Variants in ARL15 observed in about 807,000 individuals in gnomAD.
ARL15 encodes the protein ARF like GTPase 15, also known as ADP-ribosylation factor-like protein 15.
Under a neutral mutation model 25.2 loss-of-function variants are expected in ARL15, and 19 were observed. The observed-to-expected ratio is 0.75, with a 90% CI of 0.53 to 1.10. The LOEUF (loss-of-function observed/expected upper bound fraction) is 1.10, where lower values mean the gene tolerates loss of function less well. Ranked by LOEUF, ARL15 falls within the 50% of genes least tolerant of loss-of-function variation. The pLI is 0.00. For missense variants in ARL15, 220 were observed against 246.0 expected, an observed-to-expected ratio of 0.89 and a Z score of 0.71; for synonymous variants, 94 against 86.8, an observed-to-expected ratio of 1.08 and a Z score of -0.46.
At chr5:53,937,858 GA>G (rs1457060060) in intron 4 of ARL15, among the ~76,000 whole-genome samples, 2 of 151,414 alleles carry the variant, frequency 1.3e-5, no homozygotes, top group African/African-American at 4.8e-5. Flanking sequence ...GGGGTGGGGT[GA>G]AGTGGGTATG....
intron 4 of ARL15, among the ~76,000 whole-genome samples, chr5:53,952,295 G>C (rs1747001287): frequency 6.6e-6 from 1 of 152,012 alleles, no homozygotes; most frequent in African/African-American, 2.4e-5. Flanking sequence ...AAAGAAGAGA[G>C]TGAAAGAATT....
intron 1 of ARL15, among the ~76,000 whole-genome samples, chr5:54,227,436 T>G (rs1756555371): frequency 6.6e-6 from 1 of 152,186 alleles, no homozygotes; most frequent in African/African-American, 2.4e-5. Flanking sequence ...GGGAGGCAGG[T>G]ATTACTATGA....
intron 4 of ARL15, among the ~76,000 whole-genome samples, chr5:53,908,121 AAGAG>A (rs1218105870): frequency 6.6e-6 from 1 of 152,198 alleles, no homozygotes; most frequent in Admixed American, 6.5e-5. Context: ...GAAAAACAGA[AAGAG>A]AGACCACATT....
At chr5:54,024,121 T>G (rs1749702009) in intron 4 of ARL15, among the ~76,000 whole-genome samples, 1 of 152,212 alleles carries the variant, frequency 6.6e-6, no homozygotes, top group Non-Finnish European at 1.5e-5. Context: ...CTGCCTTTTG[T>G]CAGTTGATTT....
intron 1 of ARL15, among the ~76,000 whole-genome samples, chr5:54,235,910 T>A (rs1756792084): frequency 6.6e-6 from 1 of 152,208 alleles, no homozygotes; most frequent in Non-Finnish European, 1.5e-5. Context: ...AATATGGAAT[T>A]TTTAAGGAAA....
chr5:54,025,646 GTTAT>G (rs748228748), intron 4 of ARL15, among the ~76,000 whole-genome samples: 20 of 136,848 alleles, frequency 1.5e-4, no homozygotes, highest in Admixed American at 2.9e-4. Context: ...CTACTGGCAA[GTTAT>G]TTGTTTGTTT....
chr5:54,254,159 A>C (rs931961480), intron 1 of ARL15, among the ~76,000 whole-genome samples: 2 of 152,206 alleles, frequency 1.3e-5, no homozygotes, highest in African/African-American at 4.8e-5. Context: ...TGGATCACTG[A>C]TTCTCTGTGC....
intron 4 of ARL15, among the ~76,000 whole-genome samples, chr5:54,086,655 A>C (rs1000544712): frequency 1.3e-5 from 2 of 152,148 alleles, no homozygotes; most frequent in African/African-American, 4.8e-5. Context: ...CCTAACAAAT[A>C]CTCTATGAAA....
intron 1 of ARL15, 57 bp downstream of exon 1, chr5:54,310,375 G>T: frequency 2.6e-6 from 4 of 1,564,636 alleles, no homozygotes; most frequent in Non-Finnish European, 8.7e-7. Flanking sequence ...CAAGGCAGGG[G>T]GCCATCGGGC....
rs116456712 is a variant in ARL15 at position 54,284,202 on chromosome 5, C to A, written c.48+26230G>T. The stretch of plus-strand genomic sequence containing the variant: ...TACTGTATCCTCAATATCCTGGGCT[C>A]AAGTGATCCTCCCACCTGAGCCTCC... On this transcript the variant is annotated intron_variant, in intron 1 of 4. Transcript: ENST00000504924. Among the ~76,000 whole-genome samples, 697 of 152,272 alleles carry A rather than the reference C, an allele frequency of 4.6e-3. 4 individuals carry two copies. The highest frequency in any genetic ancestry group is 0.016 in the African/African-American group (657 of 41,558).
At chr5:53,989,603 G>C (rs1389620025) in intron 4 of ARL15, among the ~76,000 whole-genome samples, 1 of 151,880 alleles carries the variant, frequency 6.6e-6, no homozygotes, top group Non-Finnish European at 1.5e-5. Context: ...GTGTGTGTAT[G>C]GGTGTGTGTA....
intron 1 of ARL15, among the ~76,000 whole-genome samples, chr5:54,223,184 T>C (rs1756426126): frequency 2.0e-5 from 3 of 151,656 alleles, no homozygotes; most frequent in South Asian, 4.2e-4. Context: ...CCTCCTTTCA[T>C]GAGAACACTA....
chr5:54,293,793 C>T (rs1758395393), intron 1 of ARL15, among the ~76,000 whole-genome samples: 1 of 152,108 alleles, frequency 6.6e-6, no homozygotes, highest in Non-Finnish European at 1.5e-5. Context: ...AGACTTTATG[C>T]CCTTCAAACA....
At chr5:54,199,556 C>G (rs1755652858) in intron 1 of ARL15, among the ~76,000 whole-genome samples, 1 of 151,832 alleles carries the variant, frequency 6.6e-6, no homozygotes, top group Admixed American at 6.6e-5. Context: ...CTCACCATCA[C>G]TGGCCATCAG....
chr5:54,214,492 T>A (rs750797212), intron 1 of ARL15, among the ~76,000 whole-genome samples: 14 of 152,082 alleles, frequency 9.2e-5, no homozygotes, highest in Non-Finnish European at 1.5e-4. Context: ...TTTCATCAGC[T>A]CCCAGCCTCT....
At chr5:54,052,942 C>G (rs910597907) in intron 4 of ARL15, among the ~76,000 whole-genome samples, 1 of 152,152 alleles carries the variant, frequency 6.6e-6, no homozygotes, top group East Asian at 1.9e-4. Context: ...TCTTACAGTG[C>G]CAGAGTTAGG....
chr5:54,007,250 C>T (rs1310654297), intron 4 of ARL15, among the ~76,000 whole-genome samples: 3 of 152,072 alleles, frequency 2.0e-5, no homozygotes, highest in African/African-American at 7.2e-5. Flanking sequence ...AGTATTGATC[C>T]GCCTTGGGCT....
At chr5:53,930,795 C>T (rs188433675) in intron 4 of ARL15, among the ~76,000 whole-genome samples, 1,550 of 151,986 alleles carry the variant, frequency 0.01, 9 homozygotes, top group South Asian at 0.016. Context: ...AGATGCAGGT[C>T]GGTAGAGGGA....
intron 4 of ARL15, among the ~76,000 whole-genome samples, chr5:54,045,667 G>A (rs147676294): frequency 6.6e-6 from 1 of 151,978 alleles, no homozygotes; most frequent in Non-Finnish European, 1.5e-5. Context: ...GTCATAGAGA[G>A]AGTGGGGCAG....
Sources: allele counts gnomAD v4.1 joint callset (sites outside exome capture counted in the v4.1 genomes callset), GRCh38; gene constraint gnomAD v4.1.1; transcripts MANE v1.5; gene names NCBI Gene and HGNC (gene_info 2026-07-23, HGNC 2026-07-21).